THOC7: variants seen among roughly 807,000 people sequenced by gnomAD.
The protein encoded by THOC7 is THO complex subunit 7.
A neutral mutation model predicts 33.1 loss-of-function variants in THOC7; 22 were observed. The ratio of observed to expected loss-of-function variants is 0.66; its 90% confidence interval spans 0.47 to 0.95. The LOEUF (loss-of-function observed/expected upper bound fraction) is 0.95. Among genes scored for constraint, THOC7 ranks in the 40% least tolerant of loss-of-function variants. The probability of loss-of-function intolerance (pLI) is 0.00; values close to 1 mark genes in which losing one functional copy is unlikely to be tolerated. For missense variants in THOC7, 184 were observed against 245.3 expected (o/e 0.75, Z 1.67); for synonymous variants, 77 against 76.8 (o/e 1.00, Z -0.01).
At chr3:63,853,575 G>A (rs1481019846) in intron 1 of THOC7, among the ~76,000 whole-genome samples, 1 of 152,196 alleles carries the variant, frequency 6.6e-6, no homozygotes, top group African/African-American at 2.4e-5. Context: ...TCTGTCTATA[G>A]TACGAAAACA....
chr3:63,855,007 CAAAA>C (rs758785703), intron 1 of THOC7, among the ~76,000 whole-genome samples: 1 of 91,568 alleles, frequency 1.1e-5, no homozygotes, highest in African/African-American at 4.1e-5. Context: ...GACTCCGTCT[CAAAA>C]AAAAAAAAAA....
At chr3:63,839,512 A>T (rs964353266) in intron 2 of THOC7, 144 bp downstream of exon 2, 2 of 745,538 alleles carry the variant, frequency 2.7e-6, no homozygotes, top group African/African-American at 3.5e-5. Context: ...GAAAAGGCCA[A>T]GAAAATCTAC....
At position 63,833,906 on chromosome 3, in the gene THOC7, G is replaced by T; in HGVS notation, c.*226C>A. 2.2e-6 allele frequency: 1 copy of T among 446,560 alleles called. No individual in the cohort carries two copies. Among genetic ancestry groups the T allele is most frequent in the Non-Finnish European group, 3.9e-6 (1 of 253,700 alleles). The allele number at this position is 446,560 out of a possible 1,614,324, so 27.7% of individuals were successfully genotyped here. The stretch of plus-strand genomic sequence containing the variant: ...AGCATTTTATTAAGCATTTTTGGAT[G>T]TTGCTTCCTACCACTTAAGAATAAA... On this transcript the variant is annotated 3_prime_UTR_variant, in exon 8 of 8. Transcript: ENST00000295899.
chr3:63,847,096 TACC>T (rs1331589241), intron 1 of THOC7, among the ~76,000 whole-genome samples: 1 of 152,104 alleles, frequency 6.6e-6, no homozygotes, highest in Non-Finnish European at 1.5e-5. Context: ...GAATAGGAAG[TACC>T]ACCACTTGTG....
chr3:63,836,451 C>T, intron 4 of THOC7, 93 bp from the exon 5 acceptor site: 6 of 1,147,556 alleles, frequency 5.2e-6, no homozygotes, highest in Non-Finnish European at 7.7e-6. Context: ...CTCCTAATCA[C>T]TTTCCTAGTA....
intron 1 of THOC7, among the ~76,000 whole-genome samples, chr3:63,860,442 C>A (rs980186405): frequency 6.6e-6 from 1 of 152,122 alleles, no homozygotes; most frequent in Non-Finnish European, 1.5e-5. Context: ...ATCTTCAGTG[C>A]TGAAAAGAGG....
chr3:63,852,606 T>C (rs921420904), intron 1 of THOC7, among the ~76,000 whole-genome samples: 2 of 152,022 alleles, frequency 1.3e-5, no homozygotes, highest in South Asian at 4.1e-4. Flanking sequence ...TGAAGACAAA[T>C]AGCAGGACCC....
At chr3:63,848,712 G>A (rs1284633834) in intron 1 of THOC7, 4 of 152,140 alleles carry the variant, frequency 2.6e-5, no homozygotes, top group Non-Finnish European at 4.4e-5. Context: ...AACAGAGCAC[G>A]AATTAATTAC....
At chr3:63,860,283 G>C (rs150970031) in intron 1 of THOC7, among the ~76,000 whole-genome samples, 85 of 152,286 alleles carry the variant, frequency 5.6e-4, no homozygotes, top group African/African-American at 2.0e-3. Context: ...GGGCTCACGT[G>C]ATCCTCCTGC....
chr3:63,863,057 A>T (rs1456322938), intron 1 of THOC7: 2 of 152,312 alleles, frequency 1.3e-5, no homozygotes, highest in Admixed American at 6.6e-5. Flanking sequence ...TACCCCCGTA[A>T]ATCTCCCAGG....
intron 1 of THOC7, among the ~76,000 whole-genome samples, chr3:63,847,846 C>T (rs1701932492): frequency 6.6e-6 from 1 of 152,184 alleles, no homozygotes; most frequent in Non-Finnish European, 1.5e-5. Flanking sequence ...AAATTCTAAG[C>T]CCTCCAGCCA....
At position 63,835,426 on chromosome 3, in the gene THOC7, T is replaced by A. The variant is rs527319042; in HGVS notation, c.411-36A>T. ...TAAAACAGTGTTACATTTTGCTGAA[T>A]GGGGGAGAAGAGTTTACAATTAATG... On this transcript the variant is annotated intron_variant, in intron 5 of 7. Coordinates refer to ENST00000295899, the MANE Select transcript of THOC7 (RefSeq NM_025075.4). 9 of 1,598,394 alleles carry A rather than the reference T, an allele frequency of 5.6e-6. No individual in the cohort carries two copies. In the South Asian group the frequency reaches 1.0e-4, roughly 18 times the overall value.
rs1190111992 is a variant in THOC7, at chr3:63,833,997, G to C, written c.*135C>G. ...TTCCTTTGTGAGAGGAAATATGAATGAAATACATTCATACTTAAAAACAGA... is the reference window on the plus strand; with the variant it reads ...TTCCTTTGTGAGAGGAAATATGAATCAAATACATTCATACTTAAAAACAGA... On this transcript the variant is annotated 3_prime_UTR_variant, in exon 8 of 8. Transcript: ENST00000295899. 2 of 754,862 alleles carry C rather than the reference G, an allele frequency of 2.6e-6. No homozygotes were observed. Among genetic ancestry groups the C allele is most frequent in the Non-Finnish European group, 4.2e-6 (2 of 481,912 alleles). The allele number at this position is 754,862 out of a possible 1,614,324, so 46.8% of individuals were successfully genotyped here.
upstream of THOC7, among the ~76,000 whole-genome samples, chr3:63,864,339 G>A (rs1702335620): frequency 6.6e-6 from 1 of 151,986 alleles, no homozygotes; most frequent in Non-Finnish European, 1.5e-5. Context: ...GGGGACGCCC[G>A]GATCCGGCTG....
At chr3:63,838,232 T>C (rs188943046) in intron 3 of THOC7, 140 bp downstream of exon 3, 5 of 906,310 alleles carry the variant, frequency 5.5e-6, no homozygotes, top group African/African-American at 5.1e-5. Flanking sequence ...ACATTTTTTA[T>C]AGCTAACATT....
At chr3:63,856,078 A>C (rs1702110091) in intron 1 of THOC7, among the ~76,000 whole-genome samples, 1 of 152,234 alleles carries the variant, frequency 6.6e-6, no homozygotes, top group South Asian at 2.1e-4. Context: ...AAAAAACTGA[A>C]AACAAACTAA....
At position 63,856,520 on chromosome 3, in the gene THOC7, G is replaced by A. The variant is rs373858297; in HGVS notation, c.19+7252C>T. ...TATCTCATGTACCCCATAAATATAC[G>A]CACCTACTATATCACTTAAAAAAAA... On this transcript the variant is annotated intron_variant, in intron 1 of 7. Coordinates refer to ENST00000295899, the MANE Select transcript of THOC7 (RefSeq NM_025075.4). 8.6e-5 allele frequency among the ~76,000 whole-genome samples: 13 copies of A among 151,958 alleles called. No homozygotes were observed. The South Asian group carries it at 1.9e-3, about 22-fold the overall frequency.
chr3:63,842,464 A>T (rs1038768641), intron 1 of THOC7, among the ~76,000 whole-genome samples: 3 of 152,204 alleles, frequency 2.0e-5, no homozygotes, highest in African/African-American at 7.2e-5. Flanking sequence ...TCCACTGATC[A>T]ATGAGTGAAT....
At chr3:63,851,836 G>C (rs975345502) in intron 1 of THOC7, among the ~76,000 whole-genome samples, 11 of 152,136 alleles carry the variant, frequency 7.2e-5, no homozygotes, top group Admixed American at 3.9e-4. Flanking sequence ...TTTATGGAAT[G>C]ATGTCTGGCC....
Sources: allele counts gnomAD v4.1 joint callset (sites outside exome capture counted in the v4.1 genomes callset), GRCh38; gene constraint gnomAD v4.1.1; transcripts MANE v1.5; gene names NCBI Gene and HGNC (gene_info 2026-07-23, HGNC 2026-07-21).